The following BMP8B variants were observed in gnomAD, a reference collection of about 807,000 sequenced individuals.
BMP8B encodes bone morphogenetic protein 8b, also known as bone morphogenetic protein 8 (osteogenic protein 2).
BMP8B carries 17 observed loss-of-function variants against 30.3 expected under a neutral mutation model. That is an observed-to-expected ratio of 0.56 (90% confidence interval 0.38 to 0.84). The LOEUF is 0.84. BMP8B is among the 40% of genes least tolerant of loss of function. BMP8B has a pLI of 0.00. For missense variants in BMP8B, 253 were observed against 494.6 expected, an observed-to-expected ratio of 0.51 and a Z score of 4.63; for synonymous variants, 131 against 214.7, an observed-to-expected ratio of 0.61 and a Z score of 3.41.
At chr1:39,762,170 C>A (rs1484915639) in intron 6 of BMP8B, 1 of 177,992 alleles carries the variant, frequency 5.6e-6, no homozygotes, top group South Asian at 1.5e-4. Flanking sequence ...AGGCTCAGAG[C>A]AGCTTTTGGT....
chr1:39,780,136 C>G (rs1341954796), intron 1 of BMP8B, among the ~76,000 whole-genome samples: 1 of 152,220 alleles, frequency 6.6e-6, no homozygotes, highest in Non-Finnish European at 1.5e-5. Flanking sequence ...CCTATCACCA[C>G]TAGTGTCATA....
chr1:39,762,769 C>CA, intron 6 of BMP8B: 1 of 1,339,714 alleles, frequency 7.5e-7, no homozygotes, highest in Non-Finnish European at 1.0e-6. Context: ...ACAGTGTACA[C>CA]ATCTGTTTCA....
chr1:39,758,112 T>C lies in BMP8B; in HGVS notation c.*2307A>G, dbSNP rs1484081536. The C allele has an allele frequency of 6.6e-6, 1 of 152,152 alleles. No homozygotes were observed. Among genetic ancestry groups the C allele is most frequent in the Middle Eastern group, 3.2e-3 (1 of 316 alleles). 9.4% of individuals were successfully genotyped at this position (152,152 alleles called of 1,614,324 possible). ...ATTGGCTGGGCACTAAAGATACAGGTGGAGTAAAAAATTAATTGTCAAAAT... is the reference window on the plus strand; with the variant it reads ...ATTGGCTGGGCACTAAAGATACAGGCGGAGTAAAAAATTAATTGTCAAAAT... On this transcript the variant is annotated 3_prime_UTR_variant, in exon 7 of 7. Coordinates refer to ENST00000372827, the MANE Select transcript of BMP8B (RefSeq NM_001720.5).
intron 6 of BMP8B, chr1:39,762,640 G>T (rs1159372713): frequency 3.9e-6 from 6 of 1,544,252 alleles, no homozygotes; most frequent in Non-Finnish European, 5.2e-6. Flanking sequence ...TCCTGCCTGC[G>T]GTGCGGCACA....
At chr1:39,777,975 G>T (rs977715341) in intron 1 of BMP8B, among the ~76,000 whole-genome samples, 5 of 152,222 alleles carry the variant, frequency 3.3e-5, no homozygotes, top group Admixed American at 3.3e-4. Flanking sequence ...GCCTCTCCCG[G>T]CCCCCATGCC....
intron 3 of BMP8B, chr1:39,769,922 T>C (rs375335072): frequency 1.9e-5 from 31 of 1,601,482 alleles, no homozygotes; most frequent in African/African-American, 6.9e-5. Context: ...CTTGGGGGTG[T>C]TGTCCTTTGT....
chr1:39,769,860 T>A, intron 3 of BMP8B: 1 of 1,611,806 alleles, frequency 6.2e-7, no homozygotes, highest in Non-Finnish European at 8.5e-7. Flanking sequence ...TCGGTGATGA[T>A]GCGGTCCACG....
Position 39,788,629 on chromosome 1 carries a change from C to T in BMP8B, c.-144G>A. ...GGGGCGGGGCGGGACGGGCGGCGAC[C>T]GCGGCCTCAGCGCGGTCCCTGGAGC... On this transcript the variant is annotated 5_prime_UTR_variant, in exon 1 of 7. Transcript: ENST00000372827. The surrounding 1 kb of genome is among the most constrained non-coding windows in gnomAD (Gnocchi z 5.8). The T allele has an allele frequency of 2.5e-6, 2 of 788,734 alleles. No individual in the cohort carries two copies. Among genetic ancestry groups the T allele is most frequent in the Non-Finnish European group, 3.1e-6 (2 of 651,414 alleles). The allele number at this position is 788,734 out of a possible 1,614,324, so 48.9% of individuals were successfully genotyped here.
intron 1 of BMP8B, among the ~76,000 whole-genome samples, chr1:39,783,039 C>T (rs888765610): frequency 8.5e-5 from 13 of 152,090 alleles, no homozygotes; most frequent in African/African-American, 2.9e-4. Flanking sequence ...TCAAGTGATC[C>T]GCACACCACC....
intron 1 of BMP8B, among the ~76,000 whole-genome samples, chr1:39,786,149 T>C (rs766087338): frequency 8.5e-5 from 13 of 152,190 alleles, no homozygotes; most frequent in Non-Finnish European, 1.6e-4. Flanking sequence ...CTCACATGAG[T>C]TAAATGAGGA....
chr1:39,788,089 A>G lies in BMP8B; in HGVS notation c.334+63T>C. 1 of 1,401,248 alleles carries G rather than the reference A, an allele frequency of 7.1e-7. No homozygotes were observed. Among genetic ancestry groups the G allele is most frequent in the Non-Finnish European group, 9.2e-7 (1 of 1,085,008 alleles). 86.8% of individuals were successfully genotyped at this position (1,401,248 alleles called of 1,614,324 possible). On this transcript the variant is annotated intron_variant, in intron 1 of 6. Coordinates refer to ENST00000372827, the MANE Select transcript of BMP8B (RefSeq NM_001720.5). This position sits in a 1 kb window ranked among gnomAD's most constrained non-coding sequence, Gnocchi z 5.8. ...GGCCAGGGCCCGGCACAGCCCGCGG[A>G]TGCGCGCCCCTCCCCTGCAGCCAGC...
At chr1:39,766,743 C>A (rs1649640721) in intron 3 of BMP8B, among the ~76,000 whole-genome samples, 1 of 143,060 alleles carries the variant, frequency 7.0e-6, no homozygotes, top group South Asian at 2.2e-4. Context: ...AGAGAATCCA[C>A]TGGGCAGGGC....
Position 39,760,362 on chromosome 1 carries a change from T to C in BMP8B, c.*57A>G. The C allele has an allele frequency of 6.2e-7, 1 of 1,604,598 alleles. No homozygotes were observed. Among genetic ancestry groups the C allele is most frequent in the Non-Finnish European group, 8.5e-7 (1 of 1,177,162 alleles). On this transcript the variant is annotated 3_prime_UTR_variant, in exon 7 of 7. Coordinates refer to ENST00000372827, the MANE Select transcript of BMP8B (RefSeq NM_001720.5). ...TGGCTGGGTTTGAGGGTTTCCTGCT[T>C]CTGAGGGGCCCGATCCAGATGAGAA...
intron 6 of BMP8B, chr1:39,761,187 C>G (rs1648912434): frequency 6.5e-6 from 1 of 153,308 alleles, no homozygotes. Flanking sequence ...CACTTCTGCA[C>G]TTGGGGTCTA....
At position 39,759,163 on chromosome 1, in the gene BMP8B, C is replaced by CTTCTCG. The variant is rs946194472; in HGVS notation, c.*1255_*1256insCGAGAA. On this transcript the variant is annotated 3_prime_UTR_variant, in exon 7 of 7. Transcript: ENST00000372827. ...CTGCTCCAAGGAGAACAGCAGTTTC[C>CTTCTCG]GAGAACAGCAGAGGCTGAGACAAAC... is the stretch of plus-strand genomic sequence containing the variant. 51 of 152,352 alleles carry CTTCTCG rather than the reference C, an allele frequency of 3.3e-4. No individual in the cohort carries two copies. The highest frequency in any genetic ancestry group is 1.1e-3 in the African/African-American group (44 of 41,576). The allele number at this position is 152,352 out of a possible 1,614,324, so 9.4% of individuals were successfully genotyped here.
chr1:39,787,904 T>G (rs565862407), intron 1 of BMP8B, among the ~76,000 whole-genome samples: 1 of 152,194 alleles, frequency 6.6e-6, no homozygotes, highest in Non-Finnish European at 1.5e-5. Context: ...CTGGGTGTGT[T>G]TGGGGCAGGG....
intron 1 of BMP8B, among the ~76,000 whole-genome samples, chr1:39,775,682 C>T (rs1650177194): frequency 6.6e-6 from 1 of 152,226 alleles, no homozygotes; most frequent in Non-Finnish European, 1.5e-5. Flanking sequence ...GAGGGCAGGG[C>T]AGGGAAAGCA....
At position 39,757,556 on chromosome 1, in the gene BMP8B, C is replaced by G. The variant is rs956922475; in HGVS notation, c.*2863G>C. 1 of 152,296 alleles carries G rather than the reference C, an allele frequency of 6.6e-6. No homozygotes were observed. The highest frequency in any genetic ancestry group is 1.5e-5 in the Non-Finnish European group (1 of 68,064). The allele number at this position is 152,296 out of a possible 1,614,324, so 9.4% of individuals were successfully genotyped here. A position where few individuals can be genotyped will look rare whatever the true frequency, so the allele number is the denominator to read the frequency against. ...CAGTATTGCACCGCAAGGACCAAGA[C>G]TGCTGGGCATTCCTCTTTTGCCTGT... On this transcript the variant is annotated 3_prime_UTR_variant, in exon 7 of 7. Transcript: ENST00000372827.
chr1:39,766,960 C>G (rs1288816251), intron 3 of BMP8B, among the ~76,000 whole-genome samples: 4 of 152,266 alleles, frequency 2.6e-5, no homozygotes, highest in Non-Finnish European at 4.4e-5. Context: ...GGGCAGCCCT[C>G]CTGGCTCCAC....
Sources: allele counts gnomAD v4.1 joint callset (sites outside exome capture counted in the v4.1 genomes callset), GRCh38; gene constraint gnomAD v4.1.1; non-coding constraint Gnocchi (gnomAD v3.1); transcripts MANE v1.5; gene names NCBI Gene and HGNC (gene_info 2026-07-23, HGNC 2026-07-21).